Variants in MDH2 observed in about 807,000 individuals in gnomAD.
The protein encoded by MDH2 is malate dehydrogenase, mitochondrial.
A neutral mutation model predicts 33.6 loss-of-function variants in MDH2; 25 were observed. That is an observed-to-expected ratio of 0.74 (90% confidence interval 0.54 to 1.04). MDH2 has a LOEUF of 1.04. MDH2 is among the 50% of genes least tolerant of loss of function. The pLI is 0.00. For synonymous variants in MDH2, 193 were observed against 188.7 expected (o/e 1.02, Z -0.19); for missense variants, 432 against 445.0 (o/e 0.97, Z 0.26).
At chr7:76,063,665 C>T in intron 6 of MDH2, 73 bp downstream of exon 6, 1 of 1,463,266 alleles carries the variant, frequency 6.8e-7, no homozygotes, top group Admixed American at 1.7e-5. Context: ...TGAGGTGATC[C>T]CGGTAGACTG....
At position 76,054,824 on chromosome 7, in the gene MDH2, T is replaced by C. The variant is rs782688703; in HGVS notation, c.67-6T>C. 55 of 1,613,932 alleles carry C rather than the reference T, an allele frequency of 3.4e-5. No individual in the cohort carries two copies. Among genetic ancestry groups the C allele is most frequent in the Non-Finnish European group, 4.2e-5 (50 of 1,179,962 alleles). ...CTAAGAGTCCTTTCTCTGTGCCTCT[T>C]TTTAGAACAATGCTAAAGTAGCTGT... On this transcript the variant is annotated splice_region_variant and splice_polypyrimidine_tract_variant and intron_variant, in intron 1 of 8. Transcript: ENST00000315758.
At chr7:76,063,729 C>T in intron 6 of MDH2, 137 bp downstream of exon 6, 1 of 801,436 alleles carries the variant, frequency 1.2e-6, no homozygotes. Flanking sequence ...GTAGGCAGCC[C>T]CGCCCCTCTG....
chr7:76,053,504 C>G (rs1554585748), intron 1 of MDH2, among the ~76,000 whole-genome samples: 1 of 152,164 alleles, frequency 6.6e-6, no homozygotes, highest in Non-Finnish European at 1.5e-5. Flanking sequence ...TGTTTGAATT[C>G]AAATGTTGGT....
chr7:76,057,836 C>A, intron 3 of MDH2, 133 bp from the exon 4 acceptor site: 1 of 777,820 alleles, frequency 1.3e-6, no homozygotes, highest in Non-Finnish European at 2.1e-6. Flanking sequence ...ATCATTTACC[C>A]TGCAAGAGGG....
In MDH2 at chr7:76,062,963, T is replaced by C. The variant is rs550962934; in HGVS notation, c.556-552T>C. Among the ~76,000 whole-genome samples the C allele has an allele frequency of 5.3e-5, 8 of 152,278 alleles. No individual in the cohort carries two copies. The South Asian group carries it at 1.5e-3, about 28-fold the overall frequency. ...GGTGTGGTACCTCCAGTTTAAGAAA[T>C]GAGGCAGCCTTGAACTGTGCTGTTT... is the stretch of plus-strand genomic sequence containing the variant. On this transcript the variant is annotated intron_variant, in intron 5 of 8. Transcript: ENST00000315758.
At chr7:76,063,755 A>G (rs1372576363) in intron 6 of MDH2, among the ~76,000 whole-genome samples, 163 bp downstream of exon 6, 2 of 152,204 alleles carry the variant, frequency 1.3e-5, no homozygotes, top group Admixed American at 6.5e-5. Flanking sequence ...GGGCGGTGTC[A>G]GTCCTGGAGC....
At chr7:76,061,251 T>C (rs1322681871) in intron 5 of MDH2, among the ~76,000 whole-genome samples, 1 of 152,160 alleles carries the variant, frequency 6.6e-6, no homozygotes, top group East Asian at 1.9e-4. Flanking sequence ...AGGTTATACG[T>C]GCGGCATGGT....
In MDH2 at chr7:76,048,785, C is replaced by T. The variant is rs535052067; in HGVS notation, c.66+559C>T. On this transcript the variant is annotated intron_variant, in intron 1 of 8. Coordinates refer to ENST00000315758, the MANE Select transcript of MDH2 (RefSeq NM_005918.4). ...TCTTAACCTTTTTGGAGGATCTCTC[C>T]TGCTGTGGGCGGACTGAGCCTGCCG... 8 of 1,225,046 alleles carry T rather than the reference C, an allele frequency of 6.5e-6. No individual in the cohort carries two copies. The East Asian group carries it at 1.9e-4, about 30-fold the overall frequency. The allele number at this position is 1,225,046 out of a possible 1,614,324, so 75.9% of individuals were successfully genotyped here.
intron 5 of MDH2, among the ~76,000 whole-genome samples, chr7:76,063,236 C>G (rs996878992): frequency 6.6e-6 from 1 of 152,234 alleles, no homozygotes; most frequent in Non-Finnish European, 1.5e-5. Flanking sequence ...TGCCCATCCA[C>G]AGTGGGCACA....
intron 1 of MDH2, among the ~76,000 whole-genome samples, chr7:76,049,618 G>A (rs1797540487): frequency 1.3e-5 from 2 of 152,190 alleles, no homozygotes; most frequent in Non-Finnish European, 2.9e-5. Flanking sequence ...TCCAGGGAGA[G>A]GTTGAGTTTT....
At chr7:76,063,804 C>T (rs550403634) in intron 6 of MDH2, among the ~76,000 whole-genome samples, 25 of 152,220 alleles carry the variant, frequency 1.6e-4, no homozygotes, top group Non-Finnish European at 2.4e-4. Context: ...AGCTCCAGCA[C>T]GCAAGGAGAA....
chr7:76,054,924 C>T lies in MDH2; in HGVS notation c.161C>T (p.Thr54Ile). ...LKNSPLVSRL[T>I]LYDIAHTPGV... is the part of the protein sequence containing the mutation. ...AACAGCCCCTTGGTGAGCCGCCTGA[C>T]CCTCTATGATATCGCGCACACACCC... is the stretch of plus-strand genomic sequence containing the variant. Residue 54 changes from threonine to isoleucine, a missense_variant, in exon 2 of 9, where the codon ACC becomes ATC. Thr to Ile is a moderately conservative substitution (Grantham distance 89, BLOSUM62 -1). Transcript: ENST00000315758. 6.2e-7 allele frequency: 1 copy of T among 1,614,152 alleles called. No individual in the cohort carries two copies. Among genetic ancestry groups the T allele is most frequent in the South Asian group, 1.1e-5 (1 of 91,088 alleles).
intron 1 of MDH2, among the ~76,000 whole-genome samples, chr7:76,051,344 G>A (rs1480903612): frequency 6.9e-6 from 1 of 144,980 alleles, no homozygotes; most frequent in Non-Finnish European, 1.5e-5. Context: ...TTTTTGAGAC[G>A]GAGTTCCGCT....
In MDH2 at chr7:76,060,441, C is replaced by G; in HGVS notation, c.498C>G (p.Ile166Met). 1 of 1,614,168 alleles carries G rather than the reference C, an allele frequency of 6.2e-7. No homozygotes were observed. ...KKHGVYNPNK[I>M]FGVTTLDIVR... ...ATGGAGTGTACAACCCCAACAAAAT[C>G]TTCGGCGTGACGACCCTGGACATCG... The change falls in exon 5 of 9, where the codon ATC (isoleucine) becomes ATG (methionine). Residue 166 changes from isoleucine to methionine, a missense_variant. Coordinates refer to ENST00000315758, the MANE Select transcript of MDH2 (RefSeq NM_005918.4).
chr7:76,048,879 C>A (rs1797451180), intron 1 of MDH2: 2 of 1,122,254 alleles, frequency 1.8e-6, no homozygotes, highest in Non-Finnish European at 2.2e-6. Flanking sequence ...CTATTTTTAG[C>A]CATCTTCTAG....
intron 3 of MDH2, 79 bp downstream of exon 3, chr7:76,057,572 T>C: frequency 7.1e-7 from 1 of 1,414,006 alleles, no homozygotes; most frequent in East Asian, 2.3e-5. Flanking sequence ...TAAAAATGGA[T>C]TTAATCTGGT....
At chr7:76,055,104 T>G (rs1797730223) in intron 2 of MDH2, 106 bp downstream of exon 2, 1 of 1,288,618 alleles carries the variant, frequency 7.8e-7, no homozygotes, top group Non-Finnish European at 1.0e-6. Context: ...GAGACGGGGG[T>G]TTCTCTGTTT....
At chr7:76,058,632 A>G (rs1797857387) in intron 4 of MDH2, among the ~76,000 whole-genome samples, 1 of 152,222 alleles carries the variant, frequency 6.6e-6, no homozygotes, top group Admixed American at 6.5e-5. Flanking sequence ...ACAACAAGAT[A>G]CTATAATAAA....
Position 76,060,431 on chromosome 7 carries a change from C to T in MDH2, c.488C>T (p.Pro163Leu), listed in dbSNP as rs782102100. 1 of 1,614,024 alleles carries T rather than the reference C, an allele frequency of 6.2e-7. No homozygotes were observed. The highest frequency in any genetic ancestry group is 8.5e-7 in the Non-Finnish European group (1 of 1,180,036). Residue 163 changes from proline (P) to leucine (L), a missense_variant, in exon 5 of 9, where the codon CCC becomes CTC. Pro to Leu is a moderately conservative substitution (Grantham distance 98, BLOSUM62 -3). Coordinates refer to ENST00000315758, the MANE Select transcript of MDH2 (RefSeq NM_005918.4). ...EVFKKHGVYN[P>L]NKIFGVTTLD... ...TTCAAGAAGCATGGAGTGTACAACC[C>T]CAACAAAATCTTCGGCGTGACGACC... is the stretch of plus-strand genomic sequence containing the variant.
Sources: allele counts gnomAD v4.1 joint callset (sites outside exome capture counted in the v4.1 genomes callset), GRCh38; gene constraint gnomAD v4.1.1; transcripts MANE v1.5; gene names NCBI Gene and HGNC (gene_info 2026-07-23, HGNC 2026-07-21).